COBL: variants seen among roughly 807,000 people sequenced by gnomAD.
The protein encoded by COBL is cordon-bleu WH2 repeat protein.
COBL carries 51 observed loss-of-function variants against 98.8 expected under a neutral mutation model. The ratio of observed to expected loss-of-function variants is 0.52; its 90% CI spans 0.41 to 0.65. The LOEUF is 0.65. Ranked by LOEUF, COBL falls within the 30% of genes least tolerant of loss-of-function variation. The pLI, the probability that COBL is intolerant of heterozygous loss-of-function variation, is 0.00. For synonymous variants in COBL, 634 were observed against 651.7 expected (o/e 0.97, Z 0.41); for missense variants, 1,617 against 1,617.5 (o/e 1.00, Z 0.01).
intron 2 of COBL, among the ~76,000 whole-genome samples, chr7:51,203,757 C>T (rs985050712): frequency 1.3e-5 from 2 of 151,950 alleles, no homozygotes; most frequent in Non-Finnish European, 2.9e-5. Context: ...ACGGAAAAGT[C>T]CAGGACCAAA....
At chr7:51,051,818 T>G (rs1265645395) in intron 7 of COBL, among the ~76,000 whole-genome samples, 3 of 151,872 alleles carry the variant, frequency 2.0e-5, no homozygotes, top group Non-Finnish European at 4.4e-5. Context: ...GGCCAGTTTT[T>G]CTCTGTAGCC....
At chr7:51,156,086 G>A (rs959330430) in intron 5 of COBL, among the ~76,000 whole-genome samples, 3 of 152,092 alleles carry the variant, frequency 2.0e-5, no homozygotes, top group Middle Eastern at 3.4e-3. Flanking sequence ...TCATCCAGAC[G>A]ACATAGAACA....
At chr7:51,116,861 A>G (rs1049475499) in intron 6 of COBL, among the ~76,000 whole-genome samples, 5 of 152,140 alleles carry the variant, frequency 3.3e-5, no homozygotes, top group African/African-American at 1.2e-4. Context: ...TTGTCTCTTC[A>G]GCACTTTAAA....
intron 6 of COBL, among the ~76,000 whole-genome samples, chr7:51,130,273 G>A (rs569355570): frequency 9.9e-5 from 15 of 152,260 alleles, no homozygotes; most frequent in Admixed American, 3.3e-4. Flanking sequence ...AGCACTCCAG[G>A]AGGCCAACTG....
At chr7:51,208,890 T>C (rs1343081782) in intron 2 of COBL, among the ~76,000 whole-genome samples, 1 of 151,816 alleles carries the variant, frequency 6.6e-6, no homozygotes, top group Non-Finnish European at 1.5e-5. Flanking sequence ...TAATCTCAAG[T>C]ACCCAGGGAC....
chr7:51,313,569 C>T (rs1223239680), intron 1 of COBL, among the ~76,000 whole-genome samples: 1 of 152,190 alleles, frequency 6.6e-6, no homozygotes, highest in Non-Finnish European at 1.5e-5. Context: ...TGATCAAATG[C>T]ACCAGCTGTT....
chr7:51,176,429 CAT>C (rs1332482476), intron 5 of COBL, among the ~76,000 whole-genome samples: 1 of 151,838 alleles, frequency 6.6e-6, no homozygotes, highest in African/African-American at 2.4e-5. Context: ...CACACACACA[CAT>C]ATATGCACCC....
rs1203467442 is a variant in COBL, at chr7:51,065,013, G to T, written c.1096+20153C>A. The T allele has an allele frequency of 9.9e-6, 6 of 606,258 alleles. No individual in the cohort carries two copies. In the East Asian group the frequency reaches 1.6e-4, roughly 17 times the overall value. 37.6% of individuals were successfully genotyped at this position (606,258 alleles called of 1,614,324 possible). On this transcript the variant is annotated intron_variant, in intron 7 of 12. Coordinates refer to ENST00000265136, the MANE Select transcript of COBL (RefSeq NM_015198.5). ...AATATGGCAAGCTTTCAGACAGACA[G>T]AATTCATTACATTAGAACTGTGTGA...
At chr7:51,191,266 T>C (rs558419335) in intron 3 of COBL, among the ~76,000 whole-genome samples, 188 bp from the exon 4 acceptor site, 1 of 152,186 alleles carries the variant, frequency 6.6e-6, no homozygotes, top group East Asian at 1.9e-4. Flanking sequence ...GAATAATAAA[T>C]CTGGTTTAGA....
chr7:51,298,790 C>T (rs1801647345), intron 1 of COBL, among the ~76,000 whole-genome samples: 1 of 152,208 alleles, frequency 6.6e-6, no homozygotes, highest in African/African-American at 2.4e-5. Flanking sequence ...AACAACTGCA[C>T]CACTAACATG....
intron 6 of COBL, among the ~76,000 whole-genome samples, chr7:51,122,058 G>A (rs1050198077): frequency 1.3e-5 from 2 of 152,178 alleles, no homozygotes; most frequent in African/African-American, 4.8e-5. Context: ...GTGCAGGAGA[G>A]TGGCGAGCTC....
At chr7:51,226,178 T>C (rs1475034518) in intron 1 of COBL, among the ~76,000 whole-genome samples, 1 of 152,178 alleles carries the variant, frequency 6.6e-6, no homozygotes, top group Non-Finnish European at 1.5e-5. Flanking sequence ...GGGTGCCTGT[T>C]TACCATGTTG....
intron 5 of COBL, among the ~76,000 whole-genome samples, chr7:51,162,282 G>A (rs78403238): frequency 0.023 from 3,451 of 152,284 alleles, 140 homozygotes; most frequent in African/African-American, 0.079. Flanking sequence ...TACAGCCTGA[G>A]GCACACTTTC....
chr7:51,262,061 G>A (rs746147685), intron 1 of COBL, among the ~76,000 whole-genome samples: 2 of 152,214 alleles, frequency 1.3e-5, no homozygotes, highest in African/African-American at 2.4e-5. Flanking sequence ...AGCTGGAGAG[G>A]GGTGGGCCCG....
At chr7:51,251,590 G>T (rs1259575213) in intron 1 of COBL, among the ~76,000 whole-genome samples, 1 of 152,188 alleles carries the variant, frequency 6.6e-6, no homozygotes, top group African/African-American at 2.4e-5. Flanking sequence ...CTTGAAGGCA[G>T]GGATCATATC....
At chr7:51,189,360 G>A (rs889308069) in intron 4 of COBL, among the ~76,000 whole-genome samples, 5 of 152,300 alleles carry the variant, frequency 3.3e-5, no homozygotes, top group African/African-American at 4.8e-5. Context: ...ATGGCCAGGC[G>A]CAGTGGCTCA....
In COBL at chr7:51,266,406, C is replaced by T. The variant is rs186226404; in HGVS notation, c.42-46462G>A. 1.6e-3 allele frequency among the ~76,000 whole-genome samples: 243 copies of T among 152,226 alleles called. 6 individuals are homozygous for T. The highest frequency in any genetic ancestry group is 0.016 in the Admixed American group (238 of 15,284). On this transcript the variant is annotated intron_variant, in intron 1 of 12. Transcript: ENST00000265136. ...CCATCCTGACCAACATGGAGAAACC[C>T]CATCTCTACTAAAAATACAAAATTA...
intron 1 of COBL, among the ~76,000 whole-genome samples, chr7:51,277,583 C>T (rs1159656275): frequency 6.6e-6 from 1 of 152,126 alleles, no homozygotes; most frequent in Non-Finnish European, 1.5e-5. Flanking sequence ...CGACTTTGGG[C>T]TAATTCATGG....
intron 1 of COBL, among the ~76,000 whole-genome samples, chr7:51,302,067 G>A (rs1392208927): frequency 6.6e-6 from 1 of 152,104 alleles, no homozygotes; most frequent in Non-Finnish European, 1.5e-5. Context: ...CCGCCGAGCT[G>A]CATGTCTCCA....
Sources: allele counts gnomAD v4.1 joint callset (sites outside exome capture counted in the v4.1 genomes callset), GRCh38; gene constraint gnomAD v4.1.1; transcripts MANE v1.5; gene names NCBI Gene and HGNC (gene_info 2026-07-23, HGNC 2026-07-21).